Variants in FHIT observed in about 807,000 individuals in gnomAD.
The protein encoded by FHIT is fragile histidine triad diadenosine triphosphatase.
A neutral mutation model predicts 17.9 loss-of-function variants in FHIT; 19 were observed. That is an observed-to-expected ratio of 1.06 (90% CI 0.74 to 1.56). The LOEUF is 1.56. Ranked by LOEUF, FHIT falls within the 40% of genes most tolerant of loss-of-function variation. The pLI, the probability that FHIT is intolerant of heterozygous loss-of-function variation, is 0.00. For missense variants in FHIT, 248 were observed against 189.2 expected (o/e 1.31, Z -1.82); for synonymous variants, 81 against 69.7 (o/e 1.16, Z -0.81).
intron 4 of FHIT, among the ~76,000 whole-genome samples, chr3:60,755,400 T>C (rs1173865118): frequency 6.6e-6 from 1 of 152,214 alleles, no homozygotes; most frequent in Admixed American, 6.5e-5. Flanking sequence ...TGTTTTAAGA[T>C]AAGTCGAAAA....
At chr3:60,965,487 T>C (rs1212035459) in intron 3 of FHIT, among the ~76,000 whole-genome samples, 11 of 152,236 alleles carry the variant, frequency 7.2e-5, no homozygotes, top group African/African-American at 2.7e-4. Context: ...GGCGAGGAGC[T>C]AGGTTCCTTT....
intron 5 of FHIT, among the ~76,000 whole-genome samples, chr3:60,377,486 TTTTTTTG>T (rs1315142416): frequency 8.3e-5 from 10 of 120,506 alleles, no homozygotes; most frequent in African/African-American, 3.7e-4. Context: ...TTTTTTTTTT[TTTTTTTG>T]AGACGGAGTC....
chr3:60,791,892 G>A (rs1700790512), intron 4 of FHIT, among the ~76,000 whole-genome samples: 1 of 152,184 alleles, frequency 6.6e-6, no homozygotes, highest in African/African-American at 2.4e-5. Context: ...AAAGACATAT[G>A]TAAAAAGGAG....
At chr3:60,637,765 G>A (rs1460963140) in intron 4 of FHIT, among the ~76,000 whole-genome samples, 2 of 152,154 alleles carry the variant, frequency 1.3e-5, no homozygotes, top group African/African-American at 2.4e-5. Flanking sequence ...CAAGTAAATT[G>A]GGAGAAATGA....
intron 4 of FHIT, among the ~76,000 whole-genome samples, chr3:60,632,038 T>C (rs1380211244): frequency 2.0e-5 from 3 of 152,094 alleles, no homozygotes; most frequent in Non-Finnish European, 4.4e-5. Flanking sequence ...AGTCTCTAGA[T>C]TCAACTAGAA....
At chr3:60,642,264 A>C (rs1351238050) in intron 4 of FHIT, among the ~76,000 whole-genome samples, 3 of 152,194 alleles carry the variant, frequency 2.0e-5, no homozygotes, top group African/African-American at 7.2e-5. Context: ...CGGGGGATGG[A>C]GAATTACCAG....
intron 5 of FHIT, among the ~76,000 whole-genome samples, chr3:60,375,570 C>T (rs77944601): frequency 0.022 from 3,378 of 152,058 alleles, 60 homozygotes; most frequent in South Asian, 0.033. Context: ...GTGAGTGAGA[C>T]TCTGTCTCAA....
At chr3:59,935,708 TG>T (rs926340153) in intron 7 of FHIT, among the ~76,000 whole-genome samples, 1 of 150,538 alleles carries the variant, frequency 6.6e-6, no homozygotes, top group Non-Finnish European at 1.5e-5. Context: ...GATGGATGAG[TG>T]GGTGGGTGGA....
intron 8 of FHIT, among the ~76,000 whole-genome samples, chr3:59,847,437 A>G (rs1701762584): frequency 6.6e-6 from 1 of 151,946 alleles, no homozygotes; most frequent in Non-Finnish European, 1.5e-5. Flanking sequence ...GTTTCTTTGC[A>G]TCACTCTCTC....
intron 5 of FHIT, among the ~76,000 whole-genome samples, chr3:60,067,722 C>T (rs375324638): frequency 3.9e-5 from 6 of 152,164 alleles, no homozygotes; most frequent in African/African-American, 1.4e-4. Flanking sequence ...TTGTGGTATA[C>T]TGGGAATTTC....
chr3:60,673,137 C>T lies in FHIT; in HGVS notation c.-17-136158G>A, dbSNP rs565120969. 6.6e-5 allele frequency among the ~76,000 whole-genome samples: 10 copies of T among 152,106 alleles called. No homozygotes were observed. The East Asian group carries it at 9.7e-4, about 15-fold the overall frequency. On this transcript the variant is annotated intron_variant, in intron 4 of 9. Coordinates refer to ENST00000492590, the MANE Select transcript of FHIT (RefSeq NM_002012.4). ...GTAAGAGCTTAACAGAAAATAAAGA[C>T]GGTTTAAAAATATATATATTATTCC...
At chr3:60,871,289 G>A (rs1704405785) in intron 3 of FHIT, among the ~76,000 whole-genome samples, 1 of 152,082 alleles carries the variant, frequency 6.6e-6, no homozygotes, top group African/African-American at 2.4e-5. Context: ...TGGCACTCTA[G>A]TGAATATTCT....
At chr3:61,031,360 T>C (rs1484918385) in intron 3 of FHIT, among the ~76,000 whole-genome samples, 2 of 152,218 alleles carry the variant, frequency 1.3e-5, no homozygotes, top group African/African-American at 2.4e-5. Flanking sequence ...CCATCTTTGC[T>C]ATAAAACTTT....
chr3:60,948,637 T>C (rs1292405774), intron 3 of FHIT, among the ~76,000 whole-genome samples: 1 of 152,120 alleles, frequency 6.6e-6, no homozygotes, highest in Non-Finnish European at 1.5e-5. Context: ...CTAAGGAGAA[T>C]GAAGAGCAGC....
intron 5 of FHIT, among the ~76,000 whole-genome samples, chr3:60,062,511 G>C (rs212003): frequency 0.72 from 109,838 of 152,040 alleles, 40,689 homozygotes; most frequent in Middle Eastern, 0.83. Flanking sequence ...CAAAACTTAA[G>C]TTGCTTGTAT....
chr3:60,187,334 G>A (rs1437158624), intron 5 of FHIT, among the ~76,000 whole-genome samples: 1 of 152,206 alleles, frequency 6.6e-6, no homozygotes, highest in African/African-American at 2.4e-5. Context: ...ATACAGAATT[G>A]AAGTGGATGA....
intron 2 of FHIT, among the ~76,000 whole-genome samples, chr3:61,112,920 T>C (rs2036200973): frequency 6.6e-6 from 1 of 152,194 alleles, no homozygotes; most frequent in Non-Finnish European, 1.5e-5. Context: ...TGTTTGACTT[T>C]ATCTTGGAAC....
intron 5 of FHIT, among the ~76,000 whole-genome samples, chr3:60,300,704 G>A (rs1180875415): frequency 6.6e-6 from 1 of 152,102 alleles, no homozygotes; most frequent in African/African-American, 2.4e-5. Context: ...ACAAAACCCA[G>A]TTGTTTCCAG....
intron 8 of FHIT, among the ~76,000 whole-genome samples, chr3:59,904,476 T>G (rs1475752526): frequency 6.6e-6 from 1 of 152,162 alleles, no homozygotes; most frequent in Non-Finnish European, 1.5e-5. Flanking sequence ...GGATTTCCCT[T>G]CAATATTCCC....
Sources: allele counts gnomAD v4.1 joint callset (sites outside exome capture counted in the v4.1 genomes callset), GRCh38; gene constraint gnomAD v4.1.1; transcripts MANE v1.5; gene names NCBI Gene and HGNC (gene_info 2026-07-23, HGNC 2026-07-21).